FRMPD4: variants seen among roughly 807,000 people sequenced by gnomAD.
The protein encoded by FRMPD4 is FERM and PDZ domain containing 4.
In FRMPD4, 22 loss-of-function variants were observed where a neutral mutation model predicts 94.1. The ratio of observed to expected loss-of-function variants is 0.23; its 90% CI spans 0.17 to 0.33. FRMPD4 has a LOEUF of 0.33. FRMPD4 is among the 10% of genes least tolerant of loss of function. FRMPD4 has a pLI of 1.00. For synonymous variants in FRMPD4, 631 were observed against 548.6 expected (o/e 1.15, Z -2.10); for missense variants, 1,111 against 1,339.9 (o/e 0.83, Z 2.67).
chrX:12,419,978 G>T (rs923222652), intron 1 of FRMPD4, among the ~76,000 whole-genome samples: 2 of 111,419 alleles, frequency 1.8e-5, no homozygotes, highest in African/African-American at 6.5e-5. Flanking sequence ...TTAGGCTGGT[G>T]ACAGCTGTGT....
At chrX:12,071,112 C>A (rs2054963711) in intron 3 of FRMPD4, among the ~76,000 whole-genome samples, 2 of 111,482 alleles carry the variant, frequency 1.8e-5, no homozygotes, top group Non-Finnish European at 3.8e-5. Context: ...TAGAATGGGT[C>A]TCTGAGTATT....
Position 12,694,324 on chromosome X carries a change from T to C in FRMPD4, c.814-11T>C. ...CTGAAGGGTTCTTGTGTGATTGGTC[T>C]ACTCTTCCAGGTGACACAGAGGCCC... is the stretch of plus-strand genomic sequence containing the variant. On this transcript the variant is annotated splice_polypyrimidine_tract_variant and intron_variant, in intron 8 of 16. Coordinates refer to ENST00000675598, the MANE Select transcript of FRMPD4 (RefSeq NM_001368397.1). The C allele has an allele frequency of 8.3e-7, 1 of 1,198,958 alleles. No individual in the cohort carries two copies. Among genetic ancestry groups the C allele is most frequent in the African/African-American group, 1.7e-5 (1 of 57,690 alleles).
intron 1 of FRMPD4, among the ~76,000 whole-genome samples, chrX:11,854,416 C>T (rs1479869866): frequency 3.6e-5 from 4 of 111,772 alleles, no homozygotes; most frequent in African/African-American, 9.8e-5. Flanking sequence ...TAACTCATTC[C>T]AGCATTAACT....
chrX:12,614,797 A>T lies in FRMPD4; in HGVS notation c.338A>T (p.Lys113Met). Residue 113 changes from lysine (K) to methionine (M), a missense_variant, in exon 4 of 17, where the codon AAG (lysine) becomes ATG (methionine). Physicochemically the swap from Lys to Met is moderately conservative, Grantham distance 95. Transcript: ENST00000675598. ...TCTCCAGGTGGCCCCTCTGAAGGCAAGCTGATCCCGGGAGATCAGATTGTA... is the reference window on the plus strand; with the variant it reads ...TCTCCAGGTGGCCCCTCTGAAGGCATGCTGATCCCGGGAGATCAGATTGTA... ...SVTPGGPSEG[K>M]LIPGDQIVMI... The T allele has an allele frequency of 8.5e-7, 1 of 1,180,840 alleles. No individual in the cohort carries two copies. Among genetic ancestry groups the T allele is most frequent in the South Asian group, 1.8e-5 (1 of 55,802 alleles).
intron 6 of FRMPD4, 78 bp downstream of exon 6, chrX:12,683,665 A>C: frequency 1.9e-6 from 1 of 520,906 alleles, no homozygotes; most frequent in Non-Finnish European, 3.4e-6. Context: ...CAAAGTCAGT[A>C]GTCCCACTGG....
chrX:12,112,019 A>G (rs1452759054), intron 3 of FRMPD4, among the ~76,000 whole-genome samples: 9 of 111,638 alleles, frequency 8.1e-5, no homozygotes, highest in South Asian at 3.8e-4. Context: ...CGATTCCTCA[A>G]GGATCTAGAA....
intron 1 of FRMPD4, among the ~76,000 whole-genome samples, chrX:12,202,324 G>A (rs924159607): frequency 2.7e-5 from 3 of 112,157 alleles, no homozygotes; most frequent in Non-Finnish European, 5.6e-5. Flanking sequence ...AAATGTTTTT[G>A]TTGAATGAAT....
intron 1 of FRMPD4, among the ~76,000 whole-genome samples, chrX:12,462,972 C>G (rs1206112718): frequency 1.8e-5 from 2 of 111,859 alleles, no homozygotes; most frequent in East Asian, 5.6e-4. Context: ...CTGGGCAACA[C>G]AGGAAGACCC....
intron 3 of FRMPD4, among the ~76,000 whole-genome samples, chrX:11,908,860 C>T (rs977628663): frequency 1.8e-5 from 2 of 111,555 alleles, no homozygotes; most frequent in African/African-American, 3.3e-5. Flanking sequence ...CTGCTATTAC[C>T]GAAAGTTTTT....
intron 2 of FRMPD4, among the ~76,000 whole-genome samples, chrX:12,538,765 TAACA>T (rs1326476467): frequency 8.9e-6 from 1 of 111,864 alleles, no homozygotes; most frequent in East Asian, 2.8e-4. Context: ...GAAGGAAAAC[TAACA>T]AACAGAAAGG....
chrX:12,521,725 A>C lies in FRMPD4; in HGVS notation c.158+22929A>C, dbSNP rs752815843. ...TTTTCCAGTCATTGGACAGAGTTCT[A>C]TTATGTAAATGATTAAAGCAAGTAT... On this transcript the variant is annotated intron_variant, in intron 2 of 16. Coordinates refer to ENST00000675598, the MANE Select transcript of FRMPD4 (RefSeq NM_001368397.1). Among the ~76,000 whole-genome samples, 3 of 112,014 alleles carry C rather than the reference A, an allele frequency of 2.7e-5. No individual in the cohort carries two copies. The South Asian group carries it at 1.1e-3, about 42-fold the overall frequency.
chrX:11,879,885 A>G (rs1165051265), intron 3 of FRMPD4, among the ~76,000 whole-genome samples: 3 of 111,971 alleles, frequency 2.7e-5, no homozygotes, highest in Non-Finnish European at 5.6e-5. Flanking sequence ...TAAGGTCTAT[A>G]ATTTTTAGTC....
chrX:12,575,691 TAC>T (rs910097506), intron 2 of FRMPD4, among the ~76,000 whole-genome samples: 2 of 112,185 alleles, frequency 1.8e-5, no homozygotes, highest in African/African-American at 6.5e-5. Context: ...TTGGATCATC[TAC>T]ACAGATTCAG....
chrX:12,392,001 C>T (rs965159254), intron 1 of FRMPD4, among the ~76,000 whole-genome samples: 1 of 110,992 alleles, frequency 9.0e-6, no homozygotes, highest in Non-Finnish European at 1.9e-5. Flanking sequence ...ATCAATAGAG[C>T]TGTGCAACTG....
At chrX:11,898,444 A>G (rs1461031819) in intron 3 of FRMPD4, among the ~76,000 whole-genome samples, 1 of 111,077 alleles carries the variant, frequency 9.0e-6, no homozygotes, top group Non-Finnish European at 1.9e-5. Flanking sequence ...AACATCCTTC[A>G]CTTTGAAACA....
Position 12,472,393 on chromosome X carries a change from G to T in FRMPD4, c.42-26287G>T, listed in dbSNP as rs184124220. Among the ~76,000 whole-genome samples the T allele has an allele frequency of 9.3e-4, 105 of 112,448 alleles. 1 individual carries two copies. The highest frequency in any genetic ancestry group is 1.5e-3 in the Non-Finnish European group (78 of 53,285). ...CAAACGTAATGATTAAAACTTGGAA[G>T]TGCTCTTAAACAACGACTTGTTCCA... On this transcript the variant is annotated intron_variant, in intron 1 of 16. Transcript: ENST00000675598.
At chrX:12,612,519 A>G (rs981790501) in intron 3 of FRMPD4, among the ~76,000 whole-genome samples, 1 of 112,365 alleles carries the variant, frequency 8.9e-6, no homozygotes, top group Non-Finnish European at 1.9e-5. Flanking sequence ...TTCAAAGTAA[A>G]GGCCATGAGA....
At position 12,231,018 on chromosome X, in the gene FRMPD4, A is replaced by ATAGTATGT. The variant is rs60562591; in HGVS notation, c.41+92006_41+92007insTAGTATGT. Among the ~76,000 whole-genome samples, 138 of 46,022 alleles carry ATAGTATGT rather than the reference A, an allele frequency of 3.0e-3. 1 individual carries two copies. Among genetic ancestry groups the ATAGTATGT allele is most frequent in the African/African-American group, 9.9e-3 (126 of 12,684 alleles). The allele number at this position is 46,022 out of a possible 115,157, so 40.0% of individuals were successfully genotyped here. ...AGTATATATAATATATAGTATATAT[A>ATAGTATGT]GTATATATATAGTATATATATATAT... On this transcript the variant is annotated intron_variant, in intron 1 of 16. Coordinates refer to ENST00000675598, the MANE Select transcript of FRMPD4 (RefSeq NM_001368397.1).
chrX:12,593,431 A>G (rs888665737), intron 2 of FRMPD4, among the ~76,000 whole-genome samples: 2 of 111,892 alleles, frequency 1.8e-5, no homozygotes, highest in Admixed American at 1.9e-4. Flanking sequence ...TCCAGGTGTA[A>G]AGACATTTTT....
Sources: gnomAD v4.1 joint callset for allele counts (sites outside exome capture counted in the v4.1 genomes callset) on GRCh38, gnomAD v4.1.1 for gene constraint, MANE v1.5 for transcripts, NCBI Gene and HGNC (gene_info 2026-07-23, HGNC 2026-07-21) for gene names.